The following P2RX4 variants were observed in gnomAD, a reference collection of about 807,000 sequenced individuals.
The protein encoded by P2RX4 is purinergic receptor P2X 4.
P2RX4 carries 37 observed loss-of-function variants against 48.0 expected under a neutral mutation model. That is an observed-to-expected ratio of 0.77 (90% confidence interval 0.59 to 1.01). The LOEUF is 1.01. P2RX4 is among the 50% of genes least tolerant of loss of function. The pLI, the probability that P2RX4 is intolerant of heterozygous loss-of-function variation, is 0.00. For missense variants in P2RX4, 501 were observed against 521.4 expected (o/e 0.96, Z 0.38); for synonymous variants, 200 against 199.7 (o/e 1.00, Z -0.01).
intron 3 of P2RX4, 50 bp from the exon 4 acceptor site, chr12:121,222,044 T>C (rs1242685589): frequency 6.3e-7 from 1 of 1,590,776 alleles, no homozygotes; most frequent in Non-Finnish European, 8.6e-7. Context: ...TGTCCACCTG[T>C]GTGTGGGGCC....
Position 121,232,409 on chromosome 12 carries a change from C to G in P2RX4, c.885-5C>G, listed in dbSNP as rs776321183. 1.2e-5 allele frequency: 19 copies of G among 1,609,490 alleles called. No individual in the cohort carries two copies. Among genetic ancestry groups the G allele is most frequent in the Middle Eastern group, 1.7e-4 (1 of 6,052 alleles). On this transcript the variant is annotated splice_polypyrimidine_tract_variant and splice_region_variant and intron_variant, in intron 8 of 11. Coordinates refer to ENST00000337233, the MANE Select transcript of P2RX4 (RefSeq NM_002560.3). This position sits in a 1 kb window ranked among gnomAD's most constrained non-coding sequence, Gnocchi z 4.3. The stretch of plus-strand genomic sequence containing the variant: ...CTCCCCCTGATCCATCCTCCTTCCC[C>G]TCAGGTTTGCCAAGTACTACAGAGA...
intron 5 of P2RX4, among the ~76,000 whole-genome samples, chr12:121,225,688 C>T (rs1002027202): frequency 2.6e-5 from 4 of 151,796 alleles, no homozygotes; most frequent in African/African-American, 7.3e-5. Flanking sequence ...TGGGATTGCA[C>T]GCGTGAGTCA....
chr12:121,211,528 G>T (rs953934443), intron 1 of P2RX4, among the ~76,000 whole-genome samples: 8 of 151,960 alleles, frequency 5.3e-5, no homozygotes, highest in Admixed American at 4.6e-4. Flanking sequence ...GAGAGAAGAT[G>T]ATAATTACCT....
chr12:121,213,769 C>T (rs1886042133), intron 1 of P2RX4: 1 of 152,172 alleles, frequency 6.6e-6, no homozygotes, highest in Non-Finnish European at 1.5e-5. Flanking sequence ...CCATGTTGCC[C>T]AGGCTGGTCT....
In P2RX4 at chr12:121,226,628, T is replaced by C. The variant is rs1037450155; in HGVS notation, c.525-1905T>C. 3.3e-5 allele frequency among the ~76,000 whole-genome samples: 5 copies of C among 152,184 alleles called. 1 individual carries two copies. The highest frequency in any genetic ancestry group is 9.6e-5 in the African/African-American group (4 of 41,456). ...TATGAATGTACTAAATGCCACAGAATTGTCCAGTTTAAAATGGTTAATTTT... is the reference window on the plus strand; with the variant it reads ...TATGAATGTACTAAATGCCACAGAACTGTCCAGTTTAAAATGGTTAATTTT... On this transcript the variant is annotated intron_variant, in intron 5 of 11. Transcript: ENST00000337233.
rs58211692 is a variant in P2RX4 at position 121,229,299 on chromosome 12, G to A, written c.884+200G>A. On this transcript the variant is annotated intron_variant, in intron 8 of 11. Coordinates refer to ENST00000337233, the MANE Select transcript of P2RX4 (RefSeq NM_002560.3). The surrounding 1 kb of genome is among the most constrained non-coding windows in gnomAD (Gnocchi z 4.6). ...CTGCTCCGGGGCCATCCCGGCCCCC[G>A]AGACCCCTCCTTGCCCTTTCCTGCC... Among the ~76,000 whole-genome samples the A allele has an allele frequency of 7.2e-5, 11 of 152,040 alleles. No homozygotes were observed. The highest frequency in any genetic ancestry group is 1.3e-4 in the Non-Finnish European group (9 of 67,990).
At chr12:121,230,565 T>C (rs964767648) in intron 8 of P2RX4, among the ~76,000 whole-genome samples, 1 of 152,182 alleles carries the variant, frequency 6.6e-6, no homozygotes, top group African/African-American at 2.4e-5. Flanking sequence ...AAAGCAGATA[T>C]TTGAATTTTT....
At position 121,233,062 on chromosome 12, in the gene P2RX4, GAAATAT is replaced by G; in HGVS notation, c.1117_1122del (p.Lys373_Tyr374del). ...AGAAAAGACTCTACTATCGGGAGAA[GAAATAT>G]AAATATGTGGAAGATTACGAGCAGG... On this transcript the variant is annotated inframe_deletion, in exon 11 of 12. Transcript: ENST00000337233. 1 of 1,613,178 alleles carries G rather than the reference GAAATAT, an allele frequency of 6.2e-7. No individual in the cohort carries two copies. The highest frequency in any genetic ancestry group is 8.5e-7 in the Non-Finnish European group (1 of 1,179,252).
Position 121,233,697 on chromosome 12 carries a change from CTG to C in P2RX4, c.*154_*155del. On this transcript the variant is annotated 3_prime_UTR_variant, in exon 12 of 12. Coordinates refer to ENST00000337233, the MANE Select transcript of P2RX4 (RefSeq NM_002560.3). ...AGCACTCAGGGTTCCCCAGCAGCTC[CTG>C]TGTGTTGTGTGCAGGATCTGTTTGC... 1 of 1,520,816 alleles carries C rather than the reference CTG, an allele frequency of 6.6e-7. No homozygotes were observed. The highest frequency in any genetic ancestry group is 8.8e-7 in the Non-Finnish European group (1 of 1,131,828). The allele number at this position is 1,520,816 out of a possible 1,614,324, so 94.2% of individuals were successfully genotyped here. A position where few individuals can be genotyped will look rare whatever the true frequency, so the allele number is the denominator to read the frequency against.
intron 5 of P2RX4, among the ~76,000 whole-genome samples, chr12:121,224,871 C>A (rs939620444): frequency 1.7e-4 from 26 of 151,506 alleles, no homozygotes; most frequent in Non-Finnish European, 2.1e-4. Flanking sequence ...CTGAGAACTG[C>A]AGATTTAGAG....
intron 1 of P2RX4, among the ~76,000 whole-genome samples, chr12:121,212,606 G>T (rs1459563195): frequency 1.3e-5 from 2 of 149,304 alleles, no homozygotes; most frequent in African/African-American, 4.9e-5. Flanking sequence ...TGGCCAACAT[G>T]GTAAAACCCC....
intron 4 of P2RX4, chr12:121,222,535 C>A (rs879846743): frequency 1.4e-5 from 6 of 442,318 alleles, no homozygotes; most frequent in Non-Finnish European, 2.2e-5. Context: ...GCCTCAGCCT[C>A]CCGAGTAGCT....
At chr12:121,210,394 G>T in intron 1 of P2RX4, 96 bp downstream of exon 1, 1 of 1,233,158 alleles carries the variant, frequency 8.1e-7, no homozygotes, top group Non-Finnish European at 1.0e-6. Context: ...GGGCGAGTCC[G>T]GGAGCGGCGA....
chr12:121,210,367 C>G (rs1885745155), intron 1 of P2RX4, 69 bp downstream of exon 1: 2 of 1,366,208 alleles, frequency 1.5e-6, no homozygotes, highest in Non-Finnish European at 1.9e-6. Context: ...GGCGGCTCAT[C>G]CTGGCCTCGG....
At chr12:121,210,558 T>A (rs1246303480) in intron 1 of P2RX4, among the ~76,000 whole-genome samples, 1 of 152,148 alleles carries the variant, frequency 6.6e-6, no homozygotes, top group African/African-American at 2.4e-5. Flanking sequence ...GGCGGGACCA[T>A]CGCCTGAGCC....
rs1037504542 is a variant in P2RX4, at chr12:121,221,583, G to A, written c.283-330G>A. On this transcript the variant is annotated intron_variant, in intron 2 of 11. Coordinates refer to ENST00000337233, the MANE Select transcript of P2RX4 (RefSeq NM_002560.3). Reference sequence around the variant, plus strand: ...TAATTTTTGTATTTTTAGTAGAGACGGGGGTTTCACTGTGTTGACCAGGCT... The same window carrying A: ...TAATTTTTGTATTTTTAGTAGAGACAGGGGTTTCACTGTGTTGACCAGGCT... 5.9e-5 allele frequency among the ~76,000 whole-genome samples: 9 copies of A among 151,370 alleles called. No individual in the cohort carries two copies. The South Asian group carries it at 6.3e-4, about 11-fold the overall frequency.
chr12:121,219,615 G>GGATAGATAGATA (rs60447163), intron 2 of P2RX4, among the ~76,000 whole-genome samples: 8 of 140,532 alleles, frequency 5.7e-5, no homozygotes, highest in African/African-American at 2.0e-4. Flanking sequence ...ATGGATGGAT[G>GGATAGATAGATA]GATAGATAGA....
rs758042399 is a variant in P2RX4 at position 121,232,998 on chromosome 12, C to T, written c.1046C>T (p.Ala349Val). 6.8e-6 allele frequency: 11 copies of T among 1,610,214 alleles called. No homozygotes were observed. The highest frequency in any genetic ancestry group is 1.3e-5 in the African/African-American group (1 of 74,844). ...ACTCTCACCCTATGCTAAACTCAGG[C>T]GACCGTGCTGTGTGACATCATAGTC... Reference protein sequence around the residue: ...IGSGLALLGMATVLCDIIVLY... With the variant: ...IGSGLALLGMVTVLCDIIVLY... Residue 349 changes from alanine (A) to valine (V), a missense_variant and splice_region_variant, in exon 11 of 12, where the codon GCG becomes GTG. Around this residue, in one of 3 missense-constraint regions of P2RX4, gnomAD observed 197 missense variants for 219.5 expected, o/e 0.90. Coordinates refer to ENST00000337233, the MANE Select transcript of P2RX4 (RefSeq NM_002560.3). The surrounding 1 kb of genome is among the most constrained non-coding windows in gnomAD (Gnocchi z 4.3).
In P2RX4 at chr12:121,232,997, G is replaced by A. The variant is rs1033656351; in HGVS notation, c.1045G>A (p.Ala349Thr). 74 of 1,610,630 alleles carry A rather than the reference G, an allele frequency of 4.6e-5. No homozygotes were observed. Among genetic ancestry groups the A allele is most frequent in the Non-Finnish European group, 6.0e-5 (71 of 1,176,966 alleles). ...IGSGLALLGM[A>T]TVLCDIIVLY... Reference sequence around the variant, plus strand: ...CACTCTCACCCTATGCTAAACTCAGGCGACCGTGCTGTGTGACATCATAGT... The same window carrying A: ...CACTCTCACCCTATGCTAAACTCAGACGACCGTGCTGTGTGACATCATAGT... The change falls in exon 11 of 12, where the codon GCG (alanine) becomes ACG (threonine). Residue 349 changes from alanine to threonine, a missense_variant and splice_region_variant. Around this residue, in one of 3 missense-constraint regions of P2RX4, gnomAD observed 197 missense variants for 219.5 expected, o/e 0.90. Transcript: ENST00000337233. This position sits in a 1 kb window ranked among gnomAD's most constrained non-coding sequence, Gnocchi z 4.3.
Sources: allele counts gnomAD v4.1 joint callset (sites outside exome capture counted in the v4.1 genomes callset), GRCh38; gene constraint gnomAD v4.1.1; regional missense constraint gnomAD v4.1.1; non-coding constraint Gnocchi (gnomAD v3.1); transcripts MANE v1.5; gene names NCBI Gene and HGNC (gene_info 2026-07-23, HGNC 2026-07-21).